Variants in RFC3 observed in about 807,000 individuals in gnomAD.
RFC3 encodes replication factor C subunit 3.
In RFC3, 41 loss-of-function variants were observed where a neutral mutation model predicts 45.1. The ratio of observed to expected loss-of-function variants is 0.91; its 90% CI spans 0.71 to 1.18. The LOEUF is 1.18. Among genes scored for constraint, RFC3 ranks in the 50% most tolerant of loss-of-function variants. RFC3 has a pLI of 0.00. For synonymous variants in RFC3, 149 were observed against 144.0 expected, an observed-to-expected ratio of 1.03 and a Z score of -0.25; for missense variants, 423 against 428.1, an observed-to-expected ratio of 0.99 and a Z score of 0.10.
intron 8 of RFC3, among the ~76,000 whole-genome samples, chr13:33,913,338 A>G (rs2137707431): frequency 6.6e-6 from 1 of 152,186 alleles, no homozygotes; most frequent in South Asian, 2.1e-4. Context: ...AAAAATCTAG[A>G]TGGGGCTGCT....
chr13:33,886,409 G>A (rs894438174), intron 8 of RFC3, among the ~76,000 whole-genome samples: 3 of 151,966 alleles, frequency 2.0e-5, no homozygotes, highest in Non-Finnish European at 2.9e-5. Flanking sequence ...AGCCGGTCGT[G>A]GTGGTGGGCA....
chr13:33,957,489 C>G (rs976333039), intron 8 of RFC3, among the ~76,000 whole-genome samples: 1 of 152,138 alleles, frequency 6.6e-6, no homozygotes, highest in African/African-American at 2.4e-5. Flanking sequence ...GCATTTTGCC[C>G]TGTTCCGTAC....
intron 8 of RFC3, among the ~76,000 whole-genome samples, chr13:33,886,019 TA>T (rs145940330): frequency 1.1e-4 from 16 of 147,386 alleles, no homozygotes; most frequent in East Asian, 2.0e-4. Context: ...TTTTCTCCCT[TA>T]AAAAAAAAAG....
downstream of RFC3, among the ~76,000 whole-genome samples, chr13:33,967,198 G>A (rs1593724577): frequency 6.6e-6 from 1 of 151,860 alleles, no homozygotes; most frequent in African/African-American, 2.4e-5. Flanking sequence ...GAAAACATTA[G>A]GGATAAACTA....
intron 2 of RFC3, 113 bp downstream of exon 2, chr13:33,821,382 T>C: frequency 9.5e-7 from 1 of 1,052,746 alleles, no homozygotes. Context: ...AAATAAGAAT[T>C]CCACAGGTAG....
chr13:33,834,298 G>GTGTGTGTGTATATATATA (rs1302839326), intron 7 of RFC3, among the ~76,000 whole-genome samples: 1 of 109,220 alleles, frequency 9.2e-6, no homozygotes, highest in African/African-American at 4.1e-5. Flanking sequence ...TGTACTGTGT[G>GTGTGTGTGTATATATATA]TATATATATA....
At chr13:33,894,291 A>C (rs2082582921) in intron 8 of RFC3, among the ~76,000 whole-genome samples, 1 of 152,108 alleles carries the variant, frequency 6.6e-6, no homozygotes, top group Non-Finnish European at 1.5e-5. Flanking sequence ...GAGCTGATTT[A>C]GTGAGTGGTG....
chr13:33,823,625 C>G (rs753838280), intron 2 of RFC3, among the ~76,000 whole-genome samples: 1 of 151,896 alleles, frequency 6.6e-6, no homozygotes, highest in Non-Finnish European at 1.5e-5. Flanking sequence ...AGGAACAGAT[C>G]GTTTGCAATG....
intron 8 of RFC3, among the ~76,000 whole-genome samples, chr13:33,963,786 G>A (rs1327333129): frequency 6.6e-6 from 1 of 152,200 alleles, no homozygotes; most frequent in African/African-American, 2.4e-5. Flanking sequence ...GGCCAACACT[G>A]AGATTGCAGG....
intron 8 of RFC3, among the ~76,000 whole-genome samples, chr13:33,845,907 T>C (rs1003245114): frequency 6.6e-6 from 1 of 152,230 alleles, no homozygotes; most frequent in Non-Finnish European, 1.5e-5. Flanking sequence ...CCTGTCCTTC[T>C]TGGGAAGGCA....
At chr13:33,958,459 G>A (rs1422779068) in intron 8 of RFC3, among the ~76,000 whole-genome samples, 4 of 152,188 alleles carry the variant, frequency 2.6e-5, no homozygotes. Context: ...TGAGATGGAT[G>A]TGTTTCAGTA....
chr13:33,918,637 A>G (rs577236716), intron 8 of RFC3, among the ~76,000 whole-genome samples: 177 of 152,264 alleles, frequency 1.2e-3, no homozygotes, highest in African/African-American at 3.6e-3. Flanking sequence ...GAAACCTCAA[A>G]TAATAGCACC....
At chr13:33,866,058 CA>C (rs1231712932) in intron 8 of RFC3, among the ~76,000 whole-genome samples, 2 of 151,572 alleles carry the variant, frequency 1.3e-5, no homozygotes, top group East Asian at 1.9e-4. Flanking sequence ...GACTCCATCT[CA>C]AAAAAAACAA....
intron 8 of RFC3, among the ~76,000 whole-genome samples, chr13:33,916,897 A>T (rs2082737241): frequency 6.6e-6 from 1 of 152,164 alleles, no homozygotes; most frequent in Non-Finnish European, 1.5e-5. Context: ...ATAACTTCCC[A>T]CATTTCCAAG....
intron 8 of RFC3, among the ~76,000 whole-genome samples, chr13:33,843,259 A>G (rs535575932): frequency 1.3e-5 from 2 of 151,706 alleles, no homozygotes; most frequent in East Asian, 3.9e-4. Context: ...TTATCACAAG[A>G]TGTTCTCTAT....
At chr13:33,947,495 T>A (rs188216509) in intron 8 of RFC3, among the ~76,000 whole-genome samples, 31 of 151,974 alleles carry the variant, frequency 2.0e-4, no homozygotes, top group African/African-American at 5.1e-4. Flanking sequence ...GAGAGTGGGG[T>A]GCTGCTATAA....
chr13:33,837,960 T>A (rs2082170504), downstream of RFC3, among the ~76,000 whole-genome samples: 1 of 152,114 alleles, frequency 6.6e-6, no homozygotes, highest in South Asian at 2.1e-4. Context: ...AACCAATGGA[T>A]TACTTGGAAT....
At chr13:33,932,083 T>TA (rs1482787236) in intron 8 of RFC3, among the ~76,000 whole-genome samples, 5 of 152,164 alleles carry the variant, frequency 3.3e-5, no homozygotes, top group Non-Finnish European at 5.9e-5. Flanking sequence ...ACTGCAGAGA[T>TA]ATCAGTATGA....
chr13:33,866,569 C>T (rs925040744), intron 8 of RFC3, among the ~76,000 whole-genome samples: 1 of 152,194 alleles, frequency 6.6e-6, no homozygotes, highest in Non-Finnish European at 1.5e-5. Context: ...ATACAGTTCT[C>T]AGCCCTGAGC....
Sources: gnomAD v4.1 joint callset for allele counts (sites outside exome capture counted in the v4.1 genomes callset) on GRCh38, gnomAD v4.1.1 for gene constraint, MANE v1.5 for transcripts, NCBI Gene and HGNC (gene_info 2026-07-23, HGNC 2026-07-21) for gene names.